The following MTCH2 variants were observed in gnomAD, a reference collection of about 807,000 sequenced individuals.
MTCH2 encodes mitochondrial carrier homolog 2.
MTCH2 carries 25 observed loss-of-function variants against 50.6 expected under a neutral mutation model. The ratio of observed to expected loss-of-function variants is 0.49; its 90% CI spans 0.36 to 0.69. The LOEUF is 0.69. Among genes scored for constraint, MTCH2 ranks in the 30% least tolerant of loss-of-function variants. The pLI is 0.00. For synonymous variants in MTCH2, 106 were observed against 132.0 expected (o/e 0.80, Z 1.35); for missense variants, 273 against 384.4 (o/e 0.71, Z 2.42).
At chr11:47,631,977 C>G (rs930469969) in intron 5 of MTCH2, among the ~76,000 whole-genome samples, 11 of 151,982 alleles carry the variant, frequency 7.2e-5, no homozygotes, top group African/African-American at 2.2e-4. Context: ...GTTGTTTTCT[C>G]AATTTTACAG....
intron 8 of MTCH2, chr11:47,629,297 C>G: frequency 2.3e-6 from 1 of 440,636 alleles, no homozygotes; most frequent in South Asian, 2.4e-5. Context: ...CAGTGGCTCA[C>G]CTTACTATTC....
rs769753916 is a variant in MTCH2 at position 47,630,986 on chromosome 11, A to G, written c.479+50T>C. The G allele has an allele frequency of 7.2e-5, 101 of 1,393,826 alleles. No homozygotes were observed. In the South Asian group the frequency reaches 1.2e-3, roughly 16 times the overall value. The allele number at this position is 1,393,826 out of a possible 1,614,324, so 86.3% of individuals were successfully genotyped here. ...AAATACAAAGTAGTATTATTCTAGT[A>G]CTTTGGCTTCAAAAGATCTCCTTGA... On this transcript the variant is annotated intron_variant, in intron 7 of 12. Coordinates refer to ENST00000302503, the MANE Select transcript of MTCH2 (RefSeq NM_014342.4).
intron 3 of MTCH2, among the ~76,000 whole-genome samples, chr11:47,637,356 T>C (rs2097309699): frequency 6.6e-6 from 1 of 152,200 alleles, no homozygotes; most frequent in Non-Finnish European, 1.5e-5. Flanking sequence ...ACTTTTCTCA[T>C]GGAAAACGCA....
downstream of MTCH2, among the ~76,000 whole-genome samples, chr11:47,612,744 A>C (rs1005396008): frequency 8.3e-4 from 126 of 152,144 alleles, no homozygotes; most frequent in African/African-American, 2.9e-3. Context: ...AAAAAAAAAA[A>C]AGAAGTGCTA....
At chr11:47,620,663 C>A (rs1387135208) in intron 12 of MTCH2, among the ~76,000 whole-genome samples, 2 of 151,974 alleles carry the variant, frequency 1.3e-5, no homozygotes, top group Non-Finnish European at 2.9e-5. Context: ...AATAAAGAAC[C>A]AAATAAGTAA....
At position 47,631,695 on chromosome 11, in the gene MTCH2, A is replaced by G. The variant is rs2097303200; in HGVS notation, c.386T>C (p.Ile129Thr). The G allele has an allele frequency of 1.9e-6, 3 of 1,614,034 alleles. No homozygotes were observed. In the Admixed American group the frequency reaches 5.0e-5, roughly 27 times the overall value. ...GATGAGGGTAGCAGCAGAACGAGCG[A>G]TCATCTCTCGAGTTGTCTAGAAACA... ...HVIKETTREMIARSAATLITH... is the reference protein window; with the variant it reads ...HVIKETTREMTARSAATLITH... Residue 129 changes from isoleucine to threonine, a missense_variant, in exon 6 of 13, where the codon ATC becomes ACC. Around this residue, in one of 2 missense-constraint regions of MTCH2, gnomAD observed 203 missense variants for 244.3 expected, o/e 0.83. Coordinates refer to ENST00000302503, the MANE Select transcript of MTCH2 (RefSeq NM_014342.4).
At chr11:47,624,425 C>T (rs2097296178) in intron 11 of MTCH2, among the ~76,000 whole-genome samples, 1 of 152,000 alleles carries the variant, frequency 6.6e-6, no homozygotes, top group African/African-American at 2.4e-5. Context: ...TCCATAAAGC[C>T]CCTAGGAAAA....
chr11:47,631,689 C>A lies in MTCH2; in HGVS notation c.392G>T (p.Arg131Leu), dbSNP rs753960764. 6.2e-7 allele frequency: 1 copy of A among 1,614,062 alleles called. No homozygotes were observed. The highest frequency in any genetic ancestry group is 8.5e-7 in the Non-Finnish European group (1 of 1,179,978). The change falls in exon 6 of 13, where the codon CGT becomes CTT. Residue 131 changes from arginine to leucine, a missense_variant. Around this residue, in one of 2 missense-constraint regions of MTCH2, gnomAD observed 203 missense variants for 244.3 expected, o/e 0.83. Coordinates refer to ENST00000302503, the MANE Select transcript of MTCH2 (RefSeq NM_014342.4). ...IKETTREMIA[R>L]SAATLITHPF... ...ATGTGTGATGAGGGTAGCAGCAGAA[C>A]GAGCGATCATCTCTCGAGTTGTCTA...
Position 47,618,778 on chromosome 11 carries a change from C to T in MTCH2, c.*55G>A, listed in dbSNP as rs1330975132. 11 of 1,507,698 alleles carry T rather than the reference C, an allele frequency of 7.3e-6. No homozygotes were observed. The highest frequency in any genetic ancestry group is 1.4e-5 in the African/African-American group (1 of 73,260). 93.4% of individuals were successfully genotyped at this position (1,507,698 alleles called of 1,614,324 possible). On this transcript the variant is annotated 3_prime_UTR_variant, in exon 13 of 13. Transcript: ENST00000302503. The stretch of plus-strand genomic sequence containing the variant: ...ACTGTATAGAAATCAACATTCTCTC[C>T]CATAATTCTGTGCATCTGGGACTAC...
At chr11:47,605,457 T>C in the MTCH2 span, among the ~76,000 whole-genome samples, 7 of 152,176 alleles carry the variant, frequency 4.6e-5, no homozygotes, top group Admixed American at 4.6e-4. Context: ...GTCTCTCCAC[T>C]TACTCTTTTA....
rs138711289 is a variant in MTCH2 at position 47,631,580 on chromosome 11, C to T, written c.427+74G>A. 2.1e-3 allele frequency: 3,067 copies of T among 1,474,976 alleles called. 7 individuals are homozygous for T. The highest frequency in any genetic ancestry group is 9.2e-3 in the Middle Eastern group (53 of 5,778). The allele number at this position is 1,474,976 out of a possible 1,614,324, so 91.4% of individuals were successfully genotyped here. A position where few individuals can be genotyped will look rare whatever the true frequency, so the allele number is the denominator to read the frequency against. Reference sequence around the variant, plus strand: ...GCAGGCAAGGCATTTTAGTCAACTCCCACGTCAACCTATCTAAGTGGTCAG... The same window carrying T: ...GCAGGCAAGGCATTTTAGTCAACTCTCACGTCAACCTATCTAAGTGGTCAG... On this transcript the variant is annotated intron_variant, in intron 6 of 12. Transcript: ENST00000302503.
intron 3 of MTCH2, among the ~76,000 whole-genome samples, chr11:47,635,867 C>G (rs1004964664): frequency 2.0e-4 from 31 of 152,038 alleles, no homozygotes; most frequent in Admixed American, 1.6e-3. Flanking sequence ...GTTGCTCATG[C>G]CTGTAATCCC....
chr11:47,607,129 C>T, the MTCH2 span, among the ~76,000 whole-genome samples: 128 of 151,924 alleles, frequency 8.4e-4, no homozygotes, highest in African/African-American at 3.0e-3. Context: ...TAGCAAGTCA[C>T]TTAAATCTTT....
At chr11:47,621,757 C>T (rs2097293470) in intron 12 of MTCH2, among the ~76,000 whole-genome samples, 1 of 151,152 alleles carries the variant, frequency 6.6e-6, no homozygotes, top group African/African-American at 2.4e-5. Flanking sequence ...TTAAGAGACA[C>T]GTCTGGCTGT....
chr11:47,607,225 A>AT, the MTCH2 span, among the ~76,000 whole-genome samples: 1 of 152,290 alleles, frequency 6.6e-6, no homozygotes, highest in African/African-American at 2.4e-5. Flanking sequence ...TGACATATGT[A>AT]TGTACCTGTG....
At chr11:47,627,261 GTGACCTCCT>G in intron 9 of MTCH2, 134 bp from the exon 10 acceptor site, 1 of 581,108 alleles carries the variant, frequency 1.7e-6, no homozygotes. Context: ...CTGAAGTGCA[GTGACCTCCT>G]GAAGCACACA....
intron 3 of MTCH2, 27 bp downstream of exon 3, chr11:47,638,672 G>A (rs377526100): frequency 5.0e-5 from 64 of 1,272,848 alleles, no homozygotes; most frequent in Non-Finnish European, 6.4e-5. Flanking sequence ...AACATCTATG[G>A]GAAGATTGAT....
At chr11:47,623,925 G>A (rs2097295600) in intron 11 of MTCH2, among the ~76,000 whole-genome samples, 1 of 152,110 alleles carries the variant, frequency 6.6e-6, no homozygotes, top group Non-Finnish European at 1.5e-5. Flanking sequence ...GGTGGCAAGT[G>A]CCTATAATCC....
rs143189125 is a variant in MTCH2 at position 47,617,353 on chromosome 11, G to T, written c.*1480C>A. 6 of 152,160 alleles carry T rather than the reference G, an allele frequency of 3.9e-5. No homozygotes were observed. Among genetic ancestry groups the T allele is most frequent in the African/African-American group, 1.4e-4 (6 of 41,516 alleles). The allele number at this position is 152,160 out of a possible 1,614,324, so 9.4% of individuals were successfully genotyped here. A position where few individuals can be genotyped will look rare whatever the true frequency, so the allele number is the denominator to read the frequency against. On this transcript the variant is annotated 3_prime_UTR_variant, in exon 13 of 13. Coordinates refer to ENST00000302503, the MANE Select transcript of MTCH2 (RefSeq NM_014342.4). ...ATCATCTTTACTTAAAGATTTTTTG[G>T]GAGAAAAAGGTAGGCAGCAAACATT...
Sources: allele counts gnomAD v4.1 joint callset (sites outside exome capture counted in the v4.1 genomes callset), GRCh38; gene constraint gnomAD v4.1.1; regional missense constraint gnomAD v4.1.1; transcripts MANE v1.5; gene names NCBI Gene and HGNC (gene_info 2026-07-23, HGNC 2026-07-21).